Variants in TANGO6 observed in about 807,000 individuals in gnomAD.
The protein encoded by TANGO6 is transport and golgi organization 6 homolog, also known as transport and Golgi organization protein 6 homolog.
Under a neutral mutation model 114.2 loss-of-function variants are expected in TANGO6, and 90 were observed. The ratio of observed to expected loss-of-function variants is 0.79; its 90% CI spans 0.66 to 0.94. TANGO6 has a LOEUF of 0.94. Among genes scored for constraint, TANGO6 ranks in the 40% least tolerant of loss-of-function variants. The pLI, the probability that TANGO6 is intolerant of heterozygous loss-of-function variation, is 0.00. For missense variants in TANGO6, 1,274 were observed against 1,315.3 expected (o/e 0.97, Z 0.49); for synonymous variants, 477 against 509.8 (o/e 0.94, Z 0.87).
At chr16:68,886,871 G>A (rs546520185) in intron 7 of TANGO6, among the ~76,000 whole-genome samples, 5 of 151,320 alleles carry the variant, frequency 3.3e-5, no homozygotes, top group South Asian at 4.2e-4. Context: ...GCAGTTGTGC[G>A]ATCTCAGCTT....
chr16:69,026,111 C>A (rs753021793), intron 16 of TANGO6: 2 of 152,212 alleles, frequency 1.3e-5, no homozygotes, highest in Non-Finnish European at 2.9e-5. Flanking sequence ...AAGTAATCCT[C>A]TTGCCTCAGC....
chr16:68,984,200 G>A (rs887747533), intron 15 of TANGO6, among the ~76,000 whole-genome samples: 1 of 152,142 alleles, frequency 6.6e-6, no homozygotes, highest in Admixed American at 6.6e-5. Flanking sequence ...GCAATAAACA[G>A]CAGTCAAGTG....
rs756555751 is a variant in TANGO6, at chr16:69,076,847, G to A, written c.3109-6638G>A. Among the ~76,000 whole-genome samples the A allele has an allele frequency of 8.0e-4, 122 of 152,046 alleles. 1 individual carries two copies. Among genetic ancestry groups the A allele is most frequent in the Non-Finnish European group, 2.8e-4 (19 of 68,000 alleles). ...TCTTACCTCCTCCACTGACATTCAC[G>A]CTCCCTGTCCCATTGGAGTTCATTT... On this transcript the variant is annotated intron_variant, in intron 17 of 17. Coordinates refer to ENST00000261778, the MANE Select transcript of TANGO6 (RefSeq NM_024562.2).
intron 14 of TANGO6, among the ~76,000 whole-genome samples, chr16:68,940,603 T>TTTTTTTTTTTTTTTTTTTTTTGAGAC (rs1324610161): frequency 6.6e-6 from 1 of 152,036 alleles, no homozygotes; most frequent in African/African-American, 2.4e-5. Context: ...ACTTTCTATG[T>TTTTTTTTTTTTTTTTTTTTTTGAGAC]GGCCTATACA....
intron 17 of TANGO6, among the ~76,000 whole-genome samples, chr16:69,049,432 C>T (rs1256536760): frequency 3.3e-5 from 5 of 149,976 alleles, no homozygotes; most frequent in Non-Finnish European, 5.9e-5. Context: ...AATTTTTTTT[C>T]TTTCTTTTTT....
At chr16:68,985,654 A>G (rs1246440258) in intron 15 of TANGO6, among the ~76,000 whole-genome samples, 3 of 152,190 alleles carry the variant, frequency 2.0e-5, no homozygotes, top group Non-Finnish European at 4.4e-5. Flanking sequence ...TCAAGGCTGC[A>G]GTGAGCCATG....
At chr16:68,988,734 C>T (rs1963920501) in intron 15 of TANGO6, among the ~76,000 whole-genome samples, 1 of 125,228 alleles carries the variant, frequency 8.0e-6, no homozygotes, top group Admixed American at 9.3e-5. Flanking sequence ...CTCATTTGCT[C>T]TGTCTCCCAG....
chr16:69,018,341 G>A (rs1456372423), intron 15 of TANGO6, among the ~76,000 whole-genome samples: 1 of 150,226 alleles, frequency 6.7e-6, no homozygotes, highest in African/African-American at 2.4e-5. Flanking sequence ...GTAGAGACGG[G>A]GTTTCACCGT....
chr16:69,023,772 C>T (rs922714375), intron 16 of TANGO6, among the ~76,000 whole-genome samples: 1 of 152,048 alleles, frequency 6.6e-6, no homozygotes, highest in Non-Finnish European at 1.5e-5. Flanking sequence ...ATATTTTGCT[C>T]AGCATTTCAT....
At chr16:68,927,518 GA>G (rs1333357393) in intron 12 of TANGO6, 49 bp from the exon 13 acceptor site, 1 of 1,583,016 alleles carries the variant, frequency 6.3e-7, no homozygotes, top group South Asian at 1.2e-5. Flanking sequence ...AGGTCATATT[GA>G]AATTTGCTAT....
At chr16:69,051,946 C>CTTTT (rs35401100) in intron 17 of TANGO6, among the ~76,000 whole-genome samples, 2 of 135,334 alleles carry the variant, frequency 1.5e-5, no homozygotes, top group Non-Finnish European at 3.2e-5. Flanking sequence ...CTTTCTTTTT[C>CTTTT]TTTTTTTTTT....
At chr16:69,054,006 AG>A (rs1959993841) in intron 17 of TANGO6, among the ~76,000 whole-genome samples, 1 of 152,184 alleles carries the variant, frequency 6.6e-6, no homozygotes, top group African/African-American at 2.4e-5. Flanking sequence ...TGGAGGTTGC[AG>A]TAAGCTGAGA....
At chr16:68,975,814 C>G (rs765629607) in intron 15 of TANGO6, among the ~76,000 whole-genome samples, 2 of 152,114 alleles carry the variant, frequency 1.3e-5, no homozygotes, top group Non-Finnish European at 2.9e-5. Context: ...GTCTCTGCCT[C>G]CCAAAGTGCT....
At chr16:68,932,621 C>CA (rs1963257061) in intron 14 of TANGO6, among the ~76,000 whole-genome samples, 1 of 151,658 alleles carries the variant, frequency 6.6e-6, no homozygotes, top group Non-Finnish European at 1.5e-5. Context: ...CTGATCTCTA[C>CA]AAAAAAACAC....
chr16:69,049,244 C>T (rs761623108), intron 17 of TANGO6, among the ~76,000 whole-genome samples: 23 of 152,056 alleles, frequency 1.5e-4, no homozygotes, highest in Non-Finnish European at 2.6e-4. Flanking sequence ...TTCTCCTCTT[C>T]CCCGTTCTCC....
chr16:68,940,259 C>G (rs972610607), intron 14 of TANGO6, among the ~76,000 whole-genome samples: 6 of 150,942 alleles, frequency 4.0e-5, no homozygotes, highest in Non-Finnish European at 8.8e-5. Flanking sequence ...ACTGTGTCAC[C>G]AAGGCTGGTC....
chr16:68,932,949 T>G (rs1236899151), intron 14 of TANGO6, among the ~76,000 whole-genome samples: 2 of 152,210 alleles, frequency 1.3e-5, no homozygotes, highest in Non-Finnish European at 2.9e-5. Context: ...ATGAGTTAAT[T>G]CCTTGCAACT....
At chr16:69,020,904 A>ATGTGTGTGTGTG (rs34350425) in intron 15 of TANGO6, among the ~76,000 whole-genome samples, 2,755 of 87,184 alleles carry the variant, frequency 0.032, 59 homozygotes, top group African/African-American at 0.056. Context: ...ATATGTATGT[A>ATGTGTGTGTGTG]TGTGTGTGTG....
chr16:68,878,685 A>G (rs1055267474), intron 6 of TANGO6, among the ~76,000 whole-genome samples: 4 of 152,210 alleles, frequency 2.6e-5, no homozygotes, highest in South Asian at 2.1e-4. Context: ...CATTTATACA[A>G]TATGCTTTGA....
Sources: allele counts gnomAD v4.1 joint callset (sites outside exome capture counted in the v4.1 genomes callset), GRCh38; gene constraint gnomAD v4.1.1; transcripts MANE v1.5; gene names NCBI Gene and HGNC (gene_info 2026-07-23, HGNC 2026-07-21).